The following WNK1 variants were observed in gnomAD, a reference collection of about 807,000 sequenced individuals.
WNK1 encodes the protein WNK lysine deficient protein kinase 1, also known as serine/threonine-protein kinase WNK1.
WNK1 carries 38 observed loss-of-function variants against 222.8 expected under a neutral mutation model. The ratio of observed to expected loss-of-function variants is 0.17; its 90% CI spans 0.13 to 0.22. The LOEUF (loss-of-function observed/expected upper bound fraction) is 0.22. WNK1 is among the 10% of genes least tolerant of loss of function. The pLI is 1.00. For synonymous variants in WNK1, 1,090 were observed against 1,092.9 expected, an observed-to-expected ratio of 1.00 and a Z score of 0.05; for missense variants, 2,348 against 2,918.4, an observed-to-expected ratio of 0.80 and a Z score of 4.50.
chr12:858,126 A>G (rs1377410623), intron 5 of WNK1, among the ~76,000 whole-genome samples: 3 of 151,926 alleles, frequency 2.0e-5, no homozygotes, highest in African/African-American at 4.8e-5. Context: ...TTTCATTTTT[A>G]TATATGCTGG....
intron 1 of WNK1, among the ~76,000 whole-genome samples, chr12:798,254 C>T (rs532079963): frequency 1.3e-5 from 2 of 151,744 alleles, no homozygotes; most frequent in African/African-American, 4.8e-5. Flanking sequence ...TGCAGTGGCC[C>T]GATCTCGGCT....
intron 22 of WNK1, 44 bp from the exon 23 acceptor site, chr12:894,518 G>A: frequency 6.6e-7 from 1 of 1,521,288 alleles, no homozygotes; most frequent in Non-Finnish European, 9.1e-7. Context: ...GAAGTTAACT[G>A]GAAGGAGACA....
At chr12:895,757 C>G (rs1345163336) in intron 23 of WNK1, among the ~76,000 whole-genome samples, 1 of 152,216 alleles carries the variant, frequency 6.6e-6, no homozygotes, top group Non-Finnish European at 1.5e-5. Context: ...CTATGCCTGG[C>G]CCTGACCTTT....
intron 2 of WNK1, among the ~76,000 whole-genome samples, chr12:814,313 T>C (rs1222104115): frequency 6.9e-6 from 1 of 145,858 alleles, no homozygotes; most frequent in African/African-American, 2.5e-5. Flanking sequence ...TAGGTGAGAC[T>C]CTGTCTCCAA....
intron 8 of WNK1, chr12:869,158 A>G: frequency 1.3e-6 from 2 of 1,596,072 alleles, no homozygotes; most frequent in Non-Finnish European, 8.6e-7. Context: ...GCACCATAAC[A>G]TTTAAATTTT....
At chr12:880,641 T>C (rs1194354390) in intron 11 of WNK1, 80 bp from the exon 12 acceptor site, 13 of 1,449,102 alleles carry the variant, frequency 9.0e-6, no homozygotes, top group South Asian at 4.7e-5. Flanking sequence ...CTTCTTTTTT[T>C]TTTTTTTGCA....
intron 4 of WNK1, among the ~76,000 whole-genome samples, chr12:840,670 G>A (rs962386414): frequency 1.3e-5 from 2 of 152,120 alleles, no homozygotes; most frequent in Non-Finnish European, 2.9e-5. Context: ...CCCTTAACAG[G>A]AAAATTTACT....
chr12:761,298 A>C (rs1272634242), intron 1 of WNK1, among the ~76,000 whole-genome samples: 1 of 148,224 alleles, frequency 6.7e-6, no homozygotes, highest in Non-Finnish European at 1.5e-5. Flanking sequence ...TATTAAATAC[A>C]TTATGCTAAA....
chr12:893,620 G>GACCATCCGAGGTCAGGAGATCA (rs1954472137), intron 22 of WNK1, among the ~76,000 whole-genome samples: 1 of 150,866 alleles, frequency 6.6e-6, no homozygotes, highest in Admixed American at 6.6e-5. Flanking sequence ...TCAGGAGATC[G>GACCATCCGAGGTCAGGAGATCA]AGACCATCCT....
At chr12:826,471 ACT>A (rs1018870896) in intron 2 of WNK1, among the ~76,000 whole-genome samples, 5 of 152,076 alleles carry the variant, frequency 3.3e-5, no homozygotes, top group Non-Finnish European at 7.4e-5. Context: ...AAAGAAGGAA[ACT>A]CAAGTAGTGC....
chr12:853,077 T>C (rs1950523820), intron 4 of WNK1, among the ~76,000 whole-genome samples: 1 of 152,200 alleles, frequency 6.6e-6, no homozygotes, highest in Non-Finnish European at 1.5e-5. Flanking sequence ...TAATACCAGC[T>C]ACTGGACTGG....
intron 1 of WNK1, among the ~76,000 whole-genome samples, chr12:765,776 TTAAAAA>T (rs1231375172): frequency 6.6e-6 from 1 of 152,092 alleles, no homozygotes; most frequent in East Asian, 1.9e-4. Flanking sequence ...CCAAAAAATT[TTAAAAA>T]TAAAAATAAT....
intron 1 of WNK1, among the ~76,000 whole-genome samples, chr12:804,630 C>A (rs10849558): frequency 0.22 from 33,654 of 152,042 alleles, 4,700 homozygotes; most frequent in East Asian, 0.5. Context: ...GCCTTGGCCT[C>A]CCAAAGTGTT....
In WNK1 at chr12:908,310, A is replaced by G. The variant is rs546915096; in HGVS notation, c.6832-165A>G. 1.5e-4 allele frequency: 119 copies of G among 811,180 alleles called. 1 individual carries two copies. In the East Asian group the frequency reaches 3.1e-3, roughly 21 times the overall value. 50.2% of individuals were successfully genotyped at this position (811,180 alleles called of 1,614,324 possible). A position where few individuals can be genotyped will look rare whatever the true frequency, so the allele number is the denominator to read the frequency against. ...CACGCACATGACATCCCTCCCTCTC[A>G]TGAGGATTATTTTCACCCTTACTTG... On this transcript the variant is annotated intron_variant, in intron 27 of 27. Coordinates refer to ENST00000315939, the MANE Select transcript of WNK1 (RefSeq NM_018979.4).
chr12:825,554 A>G (rs958287990), intron 2 of WNK1, among the ~76,000 whole-genome samples: 2 of 152,214 alleles, frequency 1.3e-5, no homozygotes, highest in Non-Finnish European at 2.9e-5. Flanking sequence ...GTAATTTCAT[A>G]TCTTATACAA....
intron 22 of WNK1, among the ~76,000 whole-genome samples, chr12:894,073 C>T (rs1298316016): frequency 6.6e-6 from 1 of 150,610 alleles, no homozygotes; most frequent in Non-Finnish European, 1.5e-5. Flanking sequence ...TAAAAATTAG[C>T]CGGGTGTGGT....
At chr12:908,277 CAG>C in intron 27 of WNK1, 196 bp from the exon 28 acceptor site, 1 of 747,736 alleles carries the variant, frequency 1.3e-6, no homozygotes, top group Non-Finnish European at 2.2e-6. Context: ...TACACACACA[CAG>C]ACACACACGC....
intron 9 of WNK1, among the ~76,000 whole-genome samples, chr12:876,640 A>G (rs1244482413): frequency 6.6e-6 from 1 of 152,234 alleles, no homozygotes; most frequent in Non-Finnish European, 1.5e-5. Context: ...GCAGTAACCA[A>G]TTAGTCGTAT....
intron 22 of WNK1, among the ~76,000 whole-genome samples, chr12:892,934 ATAAGAGAATATTTAT>A (rs2154091895): frequency 6.6e-6 from 1 of 152,336 alleles, no homozygotes; most frequent in South Asian, 2.1e-4. Context: ...GTACAGATCT[ATAAGAGAATATTTAT>A]TTCTAAAATA....
Sources: allele counts gnomAD v4.1 joint callset (sites outside exome capture counted in the v4.1 genomes callset), GRCh38; gene constraint gnomAD v4.1.1; transcripts MANE v1.5; gene names NCBI Gene and HGNC (gene_info 2026-07-23, HGNC 2026-07-21).